C8orf34: variants seen among roughly 807,000 people sequenced by gnomAD.
The protein encoded by C8orf34 is chromosome 8 open reading frame 34.
A neutral mutation model predicts 68.3 loss-of-function variants in C8orf34; 65 were observed. The ratio of observed to expected loss-of-function variants is 0.95; its 90% CI spans 0.78 to 1.17. The LOEUF (loss-of-function observed/expected upper bound fraction) is 1.17, where lower values mean the gene tolerates loss of function less well. Among genes scored for constraint, C8orf34 ranks in the 50% most tolerant of loss-of-function variants. The pLI is 0.00. For synonymous variants in C8orf34, 244 were observed against 241.2 expected (o/e 1.01, Z -0.11); for missense variants, 664 against 655.4 (o/e 1.01, Z -0.14).
At chr8:68,460,054 G>T (rs186550317) in intron 3 of C8orf34, among the ~76,000 whole-genome samples, 1 of 152,200 alleles carries the variant, frequency 6.6e-6, no homozygotes, top group Non-Finnish European at 1.5e-5. Flanking sequence ...AGGGGTGACA[G>T]ACGGCACCTG....
Position 68,779,317 on chromosome 8 carries a change from T to G in C8orf34, c.1455+2868T>G, listed in dbSNP as rs148359115. ...TGAAATGTAGTAATTTAAGTATATA[T>G]GCATCAGGTAAGTATTGTCAATTCA... On this transcript the variant is annotated intron_variant, in intron 11 of 13. Transcript: ENST00000518698. 3.6e-3 allele frequency among the ~76,000 whole-genome samples: 553 copies of G among 152,200 alleles called. 3 individuals carry two copies. The highest frequency in any genetic ancestry group is 0.013 in the African/African-American group (530 of 41,506).
At chr8:68,810,171 C>T (rs1824602349) in intron 12 of C8orf34, among the ~76,000 whole-genome samples, 1 of 152,180 alleles carries the variant, frequency 6.6e-6, no homozygotes, top group African/African-American at 2.4e-5. Flanking sequence ...GCTACCCTCC[C>T]AGATCCCATG....
At chr8:68,736,060 C>T (rs1418811358) in intron 10 of C8orf34, among the ~76,000 whole-genome samples, 1 of 152,142 alleles carries the variant, frequency 6.6e-6, no homozygotes, top group Non-Finnish European at 1.5e-5. Context: ...CTTTTTCATA[C>T]AGCTGTTGAC....
At chr8:68,376,554 C>T (rs1360283295) in intron 1 of C8orf34, among the ~76,000 whole-genome samples, 1 of 151,940 alleles carries the variant, frequency 6.6e-6, no homozygotes, top group Non-Finnish European at 1.5e-5. Context: ...TCATTATACT[C>T]CTTCCTCTTG....
intron 7 of C8orf34, among the ~76,000 whole-genome samples, chr8:68,539,847 C>A (rs867154595): frequency 4.0e-5 from 6 of 150,878 alleles, no homozygotes; most frequent in Admixed American, 2.0e-4. Flanking sequence ...GAGTGAAACT[C>A]CGTCTAAAAA....
At position 68,733,720 on chromosome 8, in the gene C8orf34, A is replaced by G. The variant is rs1822048606; in HGVS notation, c.1404+12283A>G. ...GTATTTCATCTAGTGATTTTTATAG[A>G]GTTTCTTAAATAAAGCTTAAATCAT... On this transcript the variant is annotated intron_variant, in intron 10 of 13. Coordinates refer to ENST00000518698, the MANE Select transcript of C8orf34 (RefSeq NM_052958.4). Among the ~76,000 whole-genome samples, 3 of 152,250 alleles carry G rather than the reference A, an allele frequency of 2.0e-5. No individual in the cohort carries two copies. In the South Asian group the frequency reaches 6.2e-4, roughly 32 times the overall value.
intron 3 of C8orf34, among the ~76,000 whole-genome samples, chr8:68,456,184 A>G (rs1179006835): frequency 6.6e-6 from 1 of 151,742 alleles, no homozygotes; most frequent in East Asian, 1.9e-4. Context: ...TGAACCCAGG[A>G]GGCAGAACTT....
intron 10 of C8orf34, among the ~76,000 whole-genome samples, chr8:68,735,290 T>C (rs1236231661): frequency 2.0e-5 from 3 of 152,212 alleles, no homozygotes; most frequent in African/African-American, 7.2e-5. Flanking sequence ...AGGTTTGCTT[T>C]GAACATAAGA....
intron 8 of C8orf34, among the ~76,000 whole-genome samples, chr8:68,673,751 T>C (rs115273909): frequency 0.011 from 1,638 of 152,134 alleles, 34 homozygotes; most frequent in African/African-American, 0.038. Context: ...GGCTTCACCA[T>C]CTGTTGATTA....
At chr8:68,670,246 T>C (rs1210951107) in intron 8 of C8orf34, among the ~76,000 whole-genome samples, 11 of 152,178 alleles carry the variant, frequency 7.2e-5, no homozygotes, top group Middle Eastern at 3.2e-3. Context: ...AATGAAAGAC[T>C]TTCTAATCTT....
intron 1 of C8orf34, among the ~76,000 whole-genome samples, chr8:68,402,050 G>A (rs1029201708): frequency 1.3e-5 from 2 of 151,868 alleles, no homozygotes; most frequent in African/African-American, 2.4e-5. Context: ...GGGCTTTTAT[G>A]TTGTTGTGGG....
chr8:68,482,635 G>C (rs1233500357), intron 4 of C8orf34, among the ~76,000 whole-genome samples: 1 of 152,004 alleles, frequency 6.6e-6, no homozygotes, highest in African/African-American at 2.4e-5. Context: ...ATTGATAAAA[G>C]TTTTACTTAC....
intron 3 of C8orf34, among the ~76,000 whole-genome samples, chr8:68,455,426 G>A (rs1758180740): frequency 6.6e-6 from 1 of 152,008 alleles, no homozygotes; most frequent in African/African-American, 2.4e-5. Flanking sequence ...GCAGCTAGGT[G>A]TTTATATGTT....
At chr8:68,760,169 C>T (rs552575879) in intron 10 of C8orf34, among the ~76,000 whole-genome samples, 6 of 152,276 alleles carry the variant, frequency 3.9e-5, no homozygotes, top group South Asian at 2.1e-4. Context: ...GGACAGCCTG[C>T]GGAGGCCACC....
chr8:68,678,187 C>T (rs940331558), intron 8 of C8orf34, among the ~76,000 whole-genome samples: 12 of 150,356 alleles, frequency 8.0e-5, no homozygotes, highest in Non-Finnish European at 1.3e-4. Context: ...AAAAAATAGA[C>T]GATGGAATAC....
chr8:68,530,566 C>T (rs1298270071), intron 6 of C8orf34: 1 of 1,187,760 alleles, frequency 8.4e-7, no homozygotes, highest in African/African-American at 1.6e-5. Flanking sequence ...TCAAGGAAGA[C>T]TTTAACATTG....
chr8:68,463,005 TG>T, intron 3 of C8orf34, among the ~76,000 whole-genome samples: 1 of 152,140 alleles, frequency 6.6e-6, no homozygotes, highest in Non-Finnish European at 1.5e-5. Flanking sequence ...ATCCAGGAGC[TG>T]GTTTTTTGAA....
At chr8:68,583,576 G>A (rs150650524) in intron 7 of C8orf34, among the ~76,000 whole-genome samples, 15 of 152,018 alleles carry the variant, frequency 9.9e-5, no homozygotes, top group Admixed American at 3.9e-4. Flanking sequence ...TCAAATCCCC[G>A]GACTGATATA....
rs961049003 is a variant in C8orf34, at chr8:68,608,758, A to G, written c.1106-31618A>G. Among the ~76,000 whole-genome samples, 13 of 151,622 alleles carry G rather than the reference A, an allele frequency of 8.6e-5. 1 individual carries two copies. The highest frequency in any genetic ancestry group is 6.3e-4 in the South Asian group (3 of 4,784). ...CTCAAAGATAGGTCTGATGGGGGGG[A>G]TGAGATAAGAAATAAGGAGAAGAGT... On this transcript the variant is annotated intron_variant, in intron 7 of 13. Transcript: ENST00000518698.
Sources: gnomAD v4.1 joint callset for allele counts (sites outside exome capture counted in the v4.1 genomes callset) on GRCh38, gnomAD v4.1.1 for gene constraint, MANE v1.5 for transcripts, NCBI Gene and HGNC (gene_info 2026-07-23, HGNC 2026-07-21) for gene names.